Variants in TMEM214 observed in about 807,000 individuals in gnomAD.
TMEM214 encodes transmembrane protein 214.
A neutral mutation model predicts 89.8 loss-of-function variants in TMEM214; 71 were observed. The observed-to-expected ratio is 0.79, with a 90% CI of 0.65 to 0.96. The LOEUF (loss-of-function observed/expected upper bound fraction) is 0.96. TMEM214 is among the 40% of genes least tolerant of loss of function. The pLI, the probability that TMEM214 is intolerant of heterozygous loss-of-function variation, is 0.00. For synonymous variants in TMEM214, 332 were observed against 349.5 expected (o/e 0.95, Z 0.56); for missense variants, 754 against 843.4 (o/e 0.89, Z 1.31).
In TMEM214 at chr2:27,035,974, G is replaced by A; in HGVS notation, c.642G>A (p.Glu214=). 2 of 1,614,150 alleles carry A rather than the reference G, an allele frequency of 1.2e-6. No homozygotes were observed. Among genetic ancestry groups the A allele is most frequent in the Non-Finnish European group, 8.5e-7 (1 of 1,180,004 alleles). Residue 214 remains glutamate, a synonymous_variant, in exon 5 of 17, where the codon GAG becomes GAA. Transcript: ENST00000238788. ...MLQELDKTPG[E]SLHGYRICIQ... is the part of the protein sequence containing the mutation. ...TGAGAATGTGTATCTCTCCAGGGGA[G>A]TCACTACATGGTTACCGCATCTGTA... is the stretch of plus-strand genomic sequence containing the variant.
chr2:27,033,068 G>A lies in TMEM214; in HGVS notation c.53G>A (p.Arg18Gln). The A allele has an allele frequency of 2.4e-6, 3 of 1,247,696 alleles. No individual in the cohort carries two copies. Among genetic ancestry groups the A allele is most frequent in the Non-Finnish European group, 3.0e-6 (3 of 988,100 alleles). The allele number at this position is 1,247,696 out of a possible 1,614,324, so 77.3% of individuals were successfully genotyped here. Residue 18 changes from arginine to glutamine, a missense_variant, in exon 1 of 17, where the codon CGG (arginine) becomes CAG (glutamine). Transcript: ENST00000238788. ...VGRWEVVKKGRRPGVGAGAGG... is the reference protein window; with the variant it reads ...VGRWEVVKKGQRPGVGAGAGG... ...CGGTGGGAGGTAGTGAAGAAGGGTC[G>A]GCGGCCTGGGGTCGGCGCCGGCGCC... is the stretch of plus-strand genomic sequence containing the variant.
Position 27,040,333 on chromosome 2 carries a change from T to C in TMEM214, c.1792-12T>C. On this transcript the variant is annotated splice_polypyrimidine_tract_variant and intron_variant, in intron 15 of 16. Coordinates refer to ENST00000238788, the MANE Select transcript of TMEM214 (RefSeq NM_017727.5). The stretch of plus-strand genomic sequence containing the variant: ...CTGGATACTCTGACCCCATCCATTC[T>C]CCATGGTCCAGCTACAGATCCAGCT... 6.2e-7 allele frequency: 1 copy of C among 1,614,074 alleles called. No homozygotes were observed. Among genetic ancestry groups the C allele is most frequent in the Non-Finnish European group, 8.5e-7 (1 of 1,179,988 alleles).
At position 27,035,747 on chromosome 2, in the gene TMEM214, G is replaced by T; in HGVS notation, c.637+19G>T. On this transcript the variant is annotated intron_variant, in intron 4 of 16. Coordinates refer to ENST00000238788, the MANE Select transcript of TMEM214 (RefSeq NM_017727.5). ...ACACCAGGTGAAAGGGGCACGGGAGGGATGACCATCTTGGGAGCCTCCTCC... is the reference window on the plus strand; with the variant it reads ...ACACCAGGTGAAAGGGGCACGGGAGTGATGACCATCTTGGGAGCCTCCTCC... 1 of 1,613,982 alleles carries T rather than the reference G, an allele frequency of 6.2e-7. No homozygotes were observed. The highest frequency in any genetic ancestry group is 1.3e-5 in the African/African-American group (1 of 75,016).
Position 27,032,974 on chromosome 2 carries a change from C to T in TMEM214, c.-42C>T. On this transcript the variant is annotated 5_prime_UTR_variant, in exon 1 of 17. Transcript: ENST00000238788. ...AGAGTGCGGCGCGCTCGCGCCGGAC[C>T]GGAAAGCCGGGGAAGTGGCCGAGGA... The T allele has an allele frequency of 2.4e-6, 3 of 1,243,428 alleles. No individual in the cohort carries two copies. The highest frequency in any genetic ancestry group is 3.0e-6 in the Non-Finnish European group (3 of 986,994). 77.0% of individuals were successfully genotyped at this position (1,243,428 alleles called of 1,614,324 possible).
In TMEM214 at chr2:27,036,346, T is replaced by G. The variant is rs11897800; in HGVS notation, c.721-141T>G. ...ATGGGCGAAGCCCACAAACAGAACCTGCACCACGTGGCCATAGTGCTCCAC... is the reference window on the plus strand; with the variant it reads ...ATGGGCGAAGCCCACAAACAGAACCGGCACCACGTGGCCATAGTGCTCCAC... On this transcript the variant is annotated intron_variant, in intron 5 of 16. Coordinates refer to ENST00000238788, the MANE Select transcript of TMEM214 (RefSeq NM_017727.5). 2,894 of 777,602 alleles carry G rather than the reference T, an allele frequency of 3.7e-3. 28 individuals carry two copies. Among genetic ancestry groups the G allele is most frequent in the African/African-American group, 0.018 (1,070 of 58,472 alleles). The allele number at this position is 777,602 out of a possible 1,614,324, so 48.2% of individuals were successfully genotyped here. A position where few individuals can be genotyped will look rare whatever the true frequency, so the allele number is the denominator to read the frequency against.
At chr2:27,039,964 T>TTTCTTGGG in intron 14 of TMEM214, 66 bp from the exon 15 acceptor site, 2 of 1,593,142 alleles carry the variant, frequency 1.3e-6, no homozygotes, top group Non-Finnish European at 1.7e-6. Flanking sequence ...TCCCCAGCTG[T>TTTCTTGGG]TTCTTGGGAG....
At position 27,038,302 on chromosome 2, in the gene TMEM214, C is replaced by A; in HGVS notation, c.1244+65C>A. 8 of 1,583,872 alleles carry A rather than the reference C, an allele frequency of 5.1e-6. No homozygotes were observed. The highest frequency in any genetic ancestry group is 6.9e-6 in the Non-Finnish European group (8 of 1,154,530). The stretch of plus-strand genomic sequence containing the variant: ...GCAGAAGGGGAGCCTGGGTCACTGT[C>A]CCATGGCCTGACACCTTTCAGGCTG... On this transcript the variant is annotated intron_variant, in intron 10 of 16. Transcript: ENST00000238788. The surrounding 1 kb of genome is among the most constrained non-coding windows in gnomAD (Gnocchi z 4.4).
At chr2:27,040,666 C>T (rs769931207) in intron 16 of TMEM214, 45 bp from the exon 17 acceptor site, 5 of 1,606,120 alleles carry the variant, frequency 3.1e-6, no homozygotes, top group Admixed American at 3.3e-5. Context: ...AAAGTTGACA[C>T]AGCTACTCAC....
In TMEM214 at chr2:27,033,194, A is replaced by G. The variant is rs918706390; in HGVS notation, c.151+28A>G. 1.3e-4 allele frequency: 164 copies of G among 1,246,088 alleles called. 1 individual carries two copies. The Middle Eastern group carries it at 1.9e-3, about 14-fold the overall frequency. 77.2% of individuals were successfully genotyped at this position (1,246,088 alleles called of 1,614,324 possible). ...GAGTACCCGCCCTGCCCCGCCGCCTACCCCAGGCCTGTCCGGCAGGGTCGC... is the reference window on the plus strand; with the variant it reads ...GAGTACCCGCCCTGCCCCGCCGCCTGCCCCAGGCCTGTCCGGCAGGGTCGC... On this transcript the variant is annotated intron_variant, in intron 1 of 16. Transcript: ENST00000238788.
Position 27,034,546 on chromosome 2 carries a change from C to G in TMEM214, c.351+280C>G, listed in dbSNP as rs1246670057. On this transcript the variant is annotated intron_variant, in intron 2 of 16. Coordinates refer to ENST00000238788, the MANE Select transcript of TMEM214 (RefSeq NM_017727.5). ...GGAGATGGAGAAACTGGTTATGATT[C>G]TCTGTCCTATGGAAATACTGATCTT... 4 of 424,120 alleles carry G rather than the reference C, an allele frequency of 9.4e-6. No individual in the cohort carries two copies. The East Asian group carries it at 1.8e-4, about 19-fold the overall frequency. The allele number at this position is 424,120 out of a possible 1,614,324, so 26.3% of individuals were successfully genotyped here.
In TMEM214 at chr2:27,035,245, A is replaced by T; in HGVS notation, c.462A>T (p.Gln154His). The T allele has an allele frequency of 6.2e-7, 1 of 1,614,220 alleles. No homozygotes were observed. Among genetic ancestry groups the T allele is most frequent in the Non-Finnish European group, 8.5e-7 (1 of 1,180,050 alleles). The change falls in exon 3 of 17, where the codon CAA (glutamine) becomes CAT (histidine). Residue 154 changes from glutamine (Q) to histidine (H), a missense_variant. Gln to His is a conservative substitution (Grantham distance 24). Transcript: ENST00000238788. ...DLASYLNYKL[Q>H]APLSEPTLSQ... ...CCAGCTATCTCAACTACAAGCTACA[A>T]GCTCCTCTAAGTGAACCCACGCTGA...
At chr2:27,036,970 G>C (rs1281459714) in intron 7 of TMEM214, 107 bp from the exon 8 acceptor site, 3 of 1,146,568 alleles carry the variant, frequency 2.6e-6, no homozygotes, top group Non-Finnish European at 2.6e-6. Flanking sequence ...TGGCAGATGG[G>C]GTAGAGTTTA....
Position 27,035,278 on chromosome 2 carries a change from T to C in TMEM214, c.495T>C (p.His165=), listed in dbSNP as rs1163245619. Residue 165 remains histidine (H), a synonymous_variant, in exon 3 of 17, where the codon CAT becomes CAC. Coordinates refer to ENST00000238788, the MANE Select transcript of TMEM214 (RefSeq NM_017727.5). ...APLSEPTLSQ[H]THDYPYSLVS... The stretch of plus-strand genomic sequence containing the variant: ...TAAGTGAACCCACGCTGAGCCAGCA[T>C]ACTCATGGTAAGTCCTTCCAGCTTC... 6.2e-7 allele frequency: 1 copy of C among 1,614,236 alleles called. No homozygotes were observed.
In TMEM214 at chr2:27,037,072, C is replaced by T. The variant is rs757430350; in HGVS notation, c.909-5C>T. The T allele has an allele frequency of 5.6e-6, 9 of 1,613,500 alleles. No homozygotes were observed. In the Admixed American group the frequency reaches 1.0e-4, roughly 18 times the overall value. On this transcript the variant is annotated splice_region_variant and splice_polypyrimidine_tract_variant and intron_variant, in intron 7 of 16. Transcript: ENST00000238788. ...TCCAGCGAGCCTGTTTCTTCATCCC[C>T]ACAGGATGCATCCCAACCTTACCAA...
rs1667795312 is a variant in TMEM214, at chr2:27,040,565, A to C, written c.1943+69A>C. 3 of 1,592,104 alleles carry C rather than the reference A, an allele frequency of 1.9e-6. No homozygotes were observed. The South Asian group carries it at 3.4e-5, about 18-fold the overall frequency. On this transcript the variant is annotated intron_variant, in intron 16 of 16. Transcript: ENST00000238788. ...CATTCCCGGGCCCCAGGGACAAGCC[A>C]TCTCTATCCAGTCTCCCACACTGTC...
In TMEM214 at chr2:27,036,113, C is replaced by CT; in HGVS notation, c.720+62dup. On this transcript the variant is annotated intron_variant, in intron 5 of 16. Transcript: ENST00000238788. ...TAGGACTGGGGAGGCTGGGCAGAAT[C>CT]TATGTTGTTGGACTCAGGTTTGGGA... 2.6e-6 allele frequency: 4 copies of CT among 1,525,806 alleles called. No homozygotes were observed. In the African/African-American group the frequency reaches 5.5e-5, roughly 21 times the overall value. 94.5% of individuals were successfully genotyped at this position (1,525,806 alleles called of 1,614,324 possible).
chr2:27,038,247 G>T lies in TMEM214; in HGVS notation c.1244+10G>T. The T allele has an allele frequency of 6.2e-7, 1 of 1,612,122 alleles. No individual in the cohort carries two copies. ...ACCTGTCACAGTCCAGGCAGGTGGGGTGGGAGGCCAGCCTGTCCCTGTGCT... is the reference window on the plus strand; with the variant it reads ...ACCTGTCACAGTCCAGGCAGGTGGGTTGGGAGGCCAGCCTGTCCCTGTGCT... On this transcript the variant is annotated intron_variant, in intron 10 of 16. Transcript: ENST00000238788. This position sits in a 1 kb window ranked among gnomAD's most constrained non-coding sequence, Gnocchi z 4.4.
chr2:27,037,080 G>C lies in TMEM214; in HGVS notation c.912G>C (p.Met304Ile), dbSNP rs765303509. 6.2e-7 allele frequency: 1 copy of C among 1,613,780 alleles called. No homozygotes were observed. The highest frequency in any genetic ancestry group is 1.1e-5 in the South Asian group (1 of 91,076). The change falls in exon 8 of 17, where the codon ATG becomes ATC. Residue 304 changes from methionine (M) to isoleucine (I), a missense_variant. By Grantham distance (10) the Met-to-Ile change is conservative. Coordinates refer to ENST00000238788, the MANE Select transcript of TMEM214 (RefSeq NM_017727.5). ...AITYLDRLLL[M>I]HPNLTKGFGM... ...GCCTGTTTCTTCATCCCCACAGGAT[G>C]CATCCCAACCTTACCAAGGGCTTCG...
Position 27,039,850 on chromosome 2 carries a change from C to T in TMEM214, c.1622+13C>T. 6.2e-7 allele frequency: 1 copy of T among 1,613,622 alleles called. No individual in the cohort carries two copies. Among genetic ancestry groups the T allele is most frequent in the Non-Finnish European group, 8.5e-7 (1 of 1,179,760 alleles). On this transcript the variant is annotated intron_variant, in intron 14 of 16. Coordinates refer to ENST00000238788, the MANE Select transcript of TMEM214 (RefSeq NM_017727.5). ...TGCAAGGCTACAGGTGAGCTCCTCC[C>T]AGGGAGGGGAGAGGAGAGGCAGAAG...
Sources: gnomAD v4.1 joint callset for allele counts on GRCh38, gnomAD v4.1.1 for gene constraint, Gnocchi (gnomAD v3.1) non-coding constraint, MANE v1.5 for transcripts, NCBI Gene and HGNC (gene_info 2026-07-23, HGNC 2026-07-21) for gene names.